DHRS12: variants seen among roughly 807,000 people sequenced by gnomAD.
DHRS12 encodes dehydrogenase/reductase 12.
DHRS12 carries 29 observed loss-of-function variants against 32.1 expected under a neutral mutation model. That is an observed-to-expected ratio of 0.90 (90% CI 0.67 to 1.23). The LOEUF (loss-of-function observed/expected upper bound fraction) is 1.23, where lower values mean the gene tolerates loss of function less well. Ranked by LOEUF, DHRS12 falls within the 50% of genes most tolerant of loss-of-function variation. The pLI is 0.00. For missense variants in DHRS12, 330 were observed against 337.2 expected (o/e 0.98, Z 0.17); for synonymous variants, 150 against 135.9 (o/e 1.10, Z -0.72).
intron 2 of DHRS12, chr13:51,797,880 A>C: frequency 6.5e-7 from 1 of 1,535,886 alleles, no homozygotes. Flanking sequence ...CTGGGGCTTG[A>C]TCTCGACAAA....
intron 2 of DHRS12, among the ~76,000 whole-genome samples, chr13:51,798,663 TAATTA>T (rs1297579077): frequency 6.6e-6 from 1 of 152,210 alleles, no homozygotes; most frequent in Non-Finnish European, 1.5e-5. Flanking sequence ...ACTTGGCAGA[TAATTA>T]AATAAAGCTT....
At chr13:51,757,798 A>C in the DHRS12 span, among the ~76,000 whole-genome samples, 1 of 151,558 alleles carries the variant, frequency 6.6e-6, no homozygotes, top group South Asian at 2.1e-4. Flanking sequence ...AATGACACTT[A>C]GTAATATCAT....
the DHRS12 span, among the ~76,000 whole-genome samples, chr13:51,757,985 T>C: frequency 6.6e-6 from 1 of 152,006 alleles, no homozygotes; most frequent in African/African-American, 2.4e-5. Context: ...TTTTCATCTC[T>C]TTCCCATTTT....
chr13:51,763,889 TG>T (rs1218949192), downstream of DHRS12: 1 of 152,222 alleles, frequency 6.6e-6, no homozygotes, highest in Non-Finnish European at 1.5e-5. Context: ...GCTCTAAGTG[TG>T]GGTTGCAGTT....
At chr13:51,787,695 TATATATAA>T (rs1955021174) in intron 4 of DHRS12, among the ~76,000 whole-genome samples, 1 of 140,744 alleles carries the variant, frequency 7.1e-6, no homozygotes, top group South Asian at 2.1e-4. Context: ...AAAGTATAAA[TATATATAA>T]ATATATAATT....
In DHRS12 at chr13:51,773,946, A is replaced by G; in HGVS notation, c.452T>C (p.Val151Ala). Reference protein sequence around the residue: ...SERTPFDGTMVYAQNKRQQVV... With the variant: ...SERTPFDGTMAYAQNKRQQVV... ...CTCACTGACCTTGTTTTGTGCATAG[A>G]CCATAGTTCCATCAAATGGTGTTCT... is the stretch of plus-strand genomic sequence containing the variant. The change falls in exon 6 of 9, where the codon GTC (valine) becomes GCC (alanine). Residue 151 changes from valine to alanine, a missense_variant. Physicochemically the swap from Val to Ala is moderately conservative, Grantham distance 64 (BLOSUM62 0). Transcript: ENST00000444610. 6.2e-7 allele frequency: 1 copy of G among 1,613,962 alleles called. No homozygotes were observed.
chr13:51,767,188 A>G (rs1370929476), downstream of DHRS12: 3 of 152,276 alleles, frequency 2.0e-5, no homozygotes, highest in Non-Finnish European at 4.4e-5. Context: ...ATGCTATGGA[A>G]TCACCGTTGA....
chr13:51,799,406 G>A, intron 2 of DHRS12, 128 bp downstream of exon 2: 1 of 1,405,468 alleles, frequency 7.1e-7, no homozygotes, highest in South Asian at 1.4e-5. Context: ...TGGCAGCTGT[G>A]CCCAGAACCA....
At chr13:51,755,429 G>A in the DHRS12 span, 2 of 1,614,216 alleles carry the variant, frequency 1.2e-6, no homozygotes, top group Non-Finnish European at 1.7e-6. Flanking sequence ...TCAAGCAAAT[G>A]TGGGACAGTA....
At chr13:51,755,368 G>A in the DHRS12 span, 1 of 1,614,172 alleles carries the variant, frequency 6.2e-7, no homozygotes, top group Non-Finnish European at 8.5e-7. Flanking sequence ...ACCCCTGAAT[G>A]GTTGGACAGT....
At chr13:51,778,238 G>A (rs1954539927) in intron 4 of DHRS12, among the ~76,000 whole-genome samples, 1 of 152,250 alleles carries the variant, frequency 6.6e-6, no homozygotes, top group South Asian at 2.1e-4. Flanking sequence ...GGAGTTTGTG[G>A]TGAAATAAAA....
At chr13:51,766,768 TTAAAA>T (rs1336961557), downstream of DHRS12, 2 of 152,374 alleles carry the variant, frequency 1.3e-5, no homozygotes, top group South Asian at 2.1e-4. Context: ...CCGCCACGGT[TTAAAA>T]TAAATCTCTG....
chr13:51,770,769 G>T (rs1953972837), intron 7 of DHRS12: 1 of 1,017,660 alleles, frequency 9.8e-7, no homozygotes, highest in South Asian at 3.9e-5. Flanking sequence ...AGATCATGAG[G>T]CATGTACTAT....
At chr13:51,785,408 G>A (rs1371363136) in intron 4 of DHRS12, among the ~76,000 whole-genome samples, 1 of 151,744 alleles carries the variant, frequency 6.6e-6, no homozygotes, top group African/African-American at 2.4e-5. Flanking sequence ...CGCCACCTCT[G>A]TGGGAGAAGT....
At chr13:51,789,646 C>G (rs1270943066) in intron 4 of DHRS12, 1 of 985,410 alleles carries the variant, frequency 1.0e-6, no homozygotes, top group Non-Finnish European at 1.2e-6. Context: ...ATCTTCTTGC[C>G]CACTGGTTGC....
At position 51,768,200 on chromosome 13, in the gene DHRS12, T is replaced by G; in HGVS notation, c.794A>C (p.Gln265Pro). ...GTCTGGGTTGGCCTATTTAAATGTC[T>G]GAGCCAGCTGTTCCAGGATTTCAAT... ...KLIEILEQLA[Q>P]TFK is the part of the protein sequence containing the mutation. The change falls in exon 9 of 9, where the codon CAG (glutamine) becomes CCG (proline). Residue 265 changes from glutamine (Q) to proline (P), a missense_variant. By Grantham distance (76) the Gln-to-Pro change is moderately conservative. Transcript: ENST00000444610. 1 of 1,536,168 alleles carries G rather than the reference T, an allele frequency of 6.5e-7. No homozygotes were observed. The highest frequency in any genetic ancestry group is 1.4e-5 in the African/African-American group (1 of 73,176).
chr13:51,791,160 C>A lies in DHRS12; in HGVS notation c.219+5G>T. The A allele has an allele frequency of 6.4e-7, 1 of 1,559,664 alleles. No individual in the cohort carries two copies. The stretch of plus-strand genomic sequence containing the variant: ...TTATTCTCCACTTATGTTTACAAAG[C>A]TCACCAGAACATGGAGTTTATGTTC... On this transcript the variant is annotated splice_donor_5th_base_variant and intron_variant, in intron 3 of 8. Coordinates refer to ENST00000444610, the MANE Select transcript of DHRS12 (RefSeq NM_001377533.1).
intron 1 of DHRS12, among the ~76,000 whole-genome samples, chr13:51,801,863 C>T (rs188378988): frequency 2.6e-4 from 40 of 152,258 alleles, no homozygotes; most frequent in Admixed American, 1.8e-3. Context: ...TCAGAGGGGA[C>T]ATTAGCCTCT....
intron 7 of DHRS12, chr13:51,770,989 G>C: frequency 7.3e-7 from 1 of 1,376,396 alleles, no homozygotes; most frequent in Non-Finnish European, 9.4e-7. Flanking sequence ...CTGATAAATA[G>C]TGATTTTCAG....
Sources: gnomAD v4.1 joint callset for allele counts (sites outside exome capture counted in the v4.1 genomes callset) on GRCh38, gnomAD v4.1.1 for gene constraint, MANE v1.5 for transcripts, NCBI Gene and HGNC (gene_info 2026-07-23, HGNC 2026-07-21) for gene names.